RBM12: variants seen among roughly 807,000 people sequenced by gnomAD.
RBM12 encodes RNA-binding protein 12.
A neutral mutation model predicts 37.2 loss-of-function variants in RBM12; 24 were observed. That is an observed-to-expected ratio of 0.65 (90% CI 0.47 to 0.91). RBM12 has a LOEUF of 0.91. Among genes scored for constraint, RBM12 ranks in the 40% least tolerant of loss-of-function variants. The pLI, the probability that RBM12 is intolerant of heterozygous loss-of-function variation, is 0.00. For synonymous variants in RBM12, 420 were observed against 425.2 expected (o/e 0.99, Z 0.15); for missense variants, 1,061 against 1,183.2 (o/e 0.90, Z 1.52).
chr20:35,653,146 T>C lies in RBM12; in HGVS notation c.2177A>G (p.Asn726Ser). The C allele has an allele frequency of 1.2e-6, 2 of 1,613,604 alleles. No individual in the cohort carries two copies. Among genetic ancestry groups the C allele is most frequent in the Non-Finnish European group, 1.7e-6 (2 of 1,180,032 alleles). The change falls in exon 3 of 3, where the codon AAT (asparagine) becomes AGT (serine). Residue 726 changes from asparagine to serine, a missense_variant. Physicochemically the swap from Asn to Ser is conservative, Grantham distance 46 (BLOSUM62 1). Around this residue, in one of 3 missense-constraint regions of RBM12, gnomAD observed 517 missense variants for 534.0 expected, o/e 0.97. Transcript: ENST00000374114. ...NNGPPFNFPGNFGGSNAFGPP... is the reference protein window; with the variant it reads ...NNGPPFNFPGSFGGSNAFGPP... The stretch of plus-strand genomic sequence containing the variant: ...CCCAAAGGCATTTGATCCACCAAAA[T>C]TACCAGGAAAGTTAAATGGAGGCCC...
chr20:35,663,819 C>T (rs1383387493), intron 1 of RBM12, among the ~76,000 whole-genome samples: 1 of 152,176 alleles, frequency 6.6e-6, no homozygotes, highest in Non-Finnish European at 1.5e-5. Context: ...ACCTGTAGAT[C>T]CTCAAAGTCC....
Position 35,654,674 on chromosome 20 carries a change from A to C in RBM12, c.649T>G (p.Leu217Val). ...GGGGGCACAGGAGGCACAGGAGGCAATGTAGGTACTGGAGGAGGAACTGGA... is the reference window on the plus strand; with the variant it reads ...GGGGGCACAGGAGGCACAGGAGGCACTGTAGGTACTGGAGGAGGAACTGGA... ...PIPVPPPVPT[L>V]PPVPPVPPIP... The change falls in exon 3 of 3, where the codon TTG becomes GTG. Residue 217 changes from leucine to valine, a missense_variant. Leu to Val is a conservative substitution (Grantham distance 32). Around this residue, in one of 3 missense-constraint regions of RBM12, gnomAD observed 540 missense variants for 632.7 expected, o/e 0.85. Coordinates refer to ENST00000374114, the MANE Select transcript of RBM12 (RefSeq NM_006047.6). 2 of 1,613,364 alleles carry C rather than the reference A, an allele frequency of 1.2e-6. No homozygotes were observed. Among genetic ancestry groups the C allele is most frequent in the Non-Finnish European group, 1.7e-6 (2 of 1,179,340 alleles).
rs769504350 is a variant in RBM12 at position 35,653,077 on chromosome 20, TCAC to T, written c.2243_2245del (p.Gly748del). On this transcript the variant is annotated inframe_deletion, in exon 3 of 3. Transcript: ENST00000374114. ...AACTGAAGGCATACCAGGCCTAGCA[TCAC>T]CAAAGGCCCCGCCTCCTAATCCTGG... The T allele has an allele frequency of 3.7e-6, 6 of 1,613,918 alleles. No individual in the cohort carries two copies. In the Admixed American group the frequency reaches 1.0e-4, roughly 27 times the overall value.
rs2033442789 is a variant in RBM12 at position 35,650,678 on chromosome 20, CCTT to C, written c.*1843_*1845del. On this transcript the variant is annotated 3_prime_UTR_variant, in exon 3 of 3. Transcript: ENST00000374114. ...TAGTCACCTCTTGAGTCTAAACAAT[CCTT>C]CTCTTAAACAAAAATCCTGTACTGT... 1.3e-5 allele frequency: 2 copies of C among 152,528 alleles called. No individual in the cohort carries two copies. Among genetic ancestry groups the C allele is most frequent in the Non-Finnish European group, 2.9e-5 (2 of 68,002 alleles). The allele number at this position is 152,528 out of a possible 1,614,324, so 9.4% of individuals were successfully genotyped here.
rs1277679217 is a variant in RBM12 at position 35,652,839 on chromosome 20, G to C, written c.2484C>G (p.Gly828=). The C allele has an allele frequency of 2.5e-6, 4 of 1,608,420 alleles. No individual in the cohort carries two copies. Among genetic ancestry groups the C allele is most frequent in the African/African-American group, 2.7e-5 (2 of 74,646 alleles). Residue 828 remains glycine (G), a synonymous_variant, in exon 3 of 3, where the codon GGC becomes GGG. Coordinates refer to ENST00000374114, the MANE Select transcript of RBM12 (RefSeq NM_006047.6). ...HLGGPPAFGP[G]PGPGPGPGPI... is the part of the protein sequence containing the mutation. ...GGCCAGGGCCGGGGCCGGGGCCGGG[G>C]CCAGGCCCAAAAGCTGGTGGCCCAC...
At position 35,657,465 on chromosome 20, in the gene RBM12, TGAGA is replaced by T. The variant is rs553443083; in HGVS notation, c.-23+1461_-23+1464del. Among the ~76,000 whole-genome samples, 7 of 151,174 alleles carry T rather than the reference TGAGA, an allele frequency of 4.6e-5. No individual in the cohort carries two copies. In the East Asian group the frequency reaches 7.8e-4, roughly 17 times the overall value. ...GGCAATCCAGGTACTCAAAACAACT[TGAGA>T]GAGAGAGAGAGACTAGTTTGCACTG... On this transcript the variant is annotated intron_variant, in intron 2 of 2. Transcript: ENST00000374114.
chr20:35,664,434 G>C (rs144796285), intron 1 of RBM12: 2 of 152,460 alleles, frequency 1.3e-5, no homozygotes, highest in East Asian at 3.9e-4. Flanking sequence ...CGGGATGTAG[G>C]CGTGTTTTTA....
Position 35,653,303 on chromosome 20 carries a change from T to G in RBM12, c.2020A>C (p.Ser674Arg). The change falls in exon 3 of 3, where the codon AGC becomes CGC. Residue 674 changes from serine to arginine, a missense_variant. Around this residue, in one of 3 missense-constraint regions of RBM12, gnomAD observed 517 missense variants for 534.0 expected, o/e 0.97. Transcript: ENST00000374114. ...SAGLPGAGLP[S>R]TGLPGSAITS... ...ATTGCTGAACCAGGCAGTCCTGTGC[T>G]GGGCAGGCCTGCACCGGGAAGTCCT... is the stretch of plus-strand genomic sequence containing the variant. The G allele has an allele frequency of 6.2e-7, 1 of 1,613,620 alleles. No individual in the cohort carries two copies. The highest frequency in any genetic ancestry group is 1.3e-5 in the African/African-American group (1 of 75,006).
chr20:35,654,006 A>G lies in RBM12; in HGVS notation c.1317T>C (p.Phe439=). The G allele has an allele frequency of 6.2e-7, 1 of 1,614,216 alleles. No individual in the cohort carries two copies. Among genetic ancestry groups the G allele is most frequent in the South Asian group, 1.1e-5 (1 of 91,090 alleles). ...GFCVYLKGLP[F]EAENKHVIDF... The stretch of plus-strand genomic sequence containing the variant: ...CAATGACATGTTTGTTTTCTGCTTC[A>G]AATGGTAGCCCTTTCAAGTAAACAC... Residue 439 remains phenylalanine, a synonymous_variant, in exon 3 of 3, where the codon TTT becomes TTC. Coordinates refer to ENST00000374114, the MANE Select transcript of RBM12 (RefSeq NM_006047.6).
At chr20:35,658,840 AT>A in intron 2 of RBM12, 89 bp downstream of exon 2, 1 of 649,428 alleles carries the variant, frequency 1.5e-6, no homozygotes, top group Non-Finnish European at 2.8e-6. Flanking sequence ...CACACACACA[AT>A]ATAGTTGCTA....
intron 1 of RBM12, 127 bp from the exon 2 acceptor site, chr20:35,659,141 A>C (rs2034086233): frequency 6.1e-6 from 2 of 330,022 alleles, no homozygotes; most frequent in Non-Finnish European, 1.1e-5. Context: ...TGCATATCAA[A>C]AAAAAAAAAA....
rs567896893 is a variant in RBM12 at position 35,654,928 on chromosome 20, C to A, written c.395G>T (p.Ser132Ile). 5 of 1,614,128 alleles carry A rather than the reference C, an allele frequency of 3.1e-6. No homozygotes were observed. Among genetic ancestry groups the A allele is most frequent in the South Asian group, 2.2e-5 (2 of 91,080 alleles). The change falls in exon 3 of 3, where the codon AGT becomes ATT. Residue 132 changes from serine to isoleucine, a missense_variant. Transcript: ENST00000374114. ...TVSNFNNPSP[S>I]VVTATTSVHE... ...AACAGAAGTGGTGGCAGTAACTACACTGGGTGATGGATTATTAAAGTTGGA... is the reference window on the plus strand; with the variant it reads ...AACAGAAGTGGTGGCAGTAACTACAATGGGTGATGGATTATTAAAGTTGGA...
At position 35,654,080 on chromosome 20, in the gene RBM12, T is replaced by C. The variant is rs753894008; in HGVS notation, c.1243A>G (p.Ser415Gly). ...PQTLPRSKSP[S>G]GQKRSRSRSP... ...CTTGACCTTGATCTTTTCTGCCCAC[T>C]GGGCGATTTTGACCTGGGAAGTGTC... Residue 415 changes from serine to glycine, a missense_variant, in exon 3 of 3, where the codon AGT becomes GGT. Coordinates refer to ENST00000374114, the MANE Select transcript of RBM12 (RefSeq NM_006047.6). The C allele has an allele frequency of 1.2e-6, 2 of 1,614,236 alleles. No individual in the cohort carries two copies. The highest frequency in any genetic ancestry group is 4.5e-5 in the East Asian group (2 of 44,888).
At position 35,654,291 on chromosome 20, in the gene RBM12, C is replaced by T. The variant is rs761791531; in HGVS notation, c.1032G>A (p.Gly344=). ...LLKDHVGRNN[G]NGLVKFLSPQ... ...GGGAGAGAAACTTAACCAATCCATT[C>T]CCATTATTTCGACCTACATGATCTT... Residue 344 remains glycine, a synonymous_variant, in exon 3 of 3, where the codon GGG becomes GGA. Transcript: ENST00000374114. The T allele has an allele frequency of 2.5e-6, 4 of 1,614,142 alleles. No homozygotes were observed. The East Asian group carries it at 8.9e-5, about 36-fold the overall frequency.
In RBM12 at chr20:35,650,455, A is replaced by G. The variant is rs1232426002; in HGVS notation, c.*2069T>C. On this transcript the variant is annotated 3_prime_UTR_variant, in exon 3 of 3. Transcript: ENST00000374114. The stretch of plus-strand genomic sequence containing the variant: ...TGAAAATAGCTTTCCAATGGAGAAA[A>G]TATCTGTGGCTGAAATACAACTCTC... The G allele has an allele frequency of 6.6e-6, 1 of 152,658 alleles. No individual in the cohort carries two copies. 9.5% of individuals were successfully genotyped at this position (152,658 alleles called of 1,614,324 possible).
chr20:35,654,501 A>C lies in RBM12; in HGVS notation c.822T>G (p.Pro274=). 1 of 1,614,232 alleles carries C rather than the reference A, an allele frequency of 6.2e-7. No homozygotes were observed. Among genetic ancestry groups the C allele is most frequent in the Non-Finnish European group, 8.5e-7 (1 of 1,180,040 alleles). Residue 274 remains proline, a synonymous_variant, in exon 3 of 3, where the codon CCT becomes CCG. Coordinates refer to ENST00000374114, the MANE Select transcript of RBM12 (RefSeq NM_006047.6). ...CAGGATTCAACGGACCAAGAAACAT[A>C]GGATTCAGATTATTGTTCAAATTCA... ...APMNLNNNLN[P]MFLGPLNPVN...
Position 35,657,577 on chromosome 20 carries a change from T to C in RBM12, c.-23+1353A>G, listed in dbSNP as rs1271664178. 2.6e-5 allele frequency among the ~76,000 whole-genome samples: 4 copies of C among 152,298 alleles called. No individual in the cohort carries two copies. In the East Asian group the frequency reaches 7.7e-4, roughly 29 times the overall value. ...TAAAGTGACATACACAGTTAAGTCT[T>C]CAAGCCATTTTCTGTTAAGAGCAGG... On this transcript the variant is annotated intron_variant, in intron 2 of 2. Coordinates refer to ENST00000374114, the MANE Select transcript of RBM12 (RefSeq NM_006047.6).
In RBM12 at chr20:35,648,991, G is replaced by T. The variant is rs1472055850; in HGVS notation, c.*3533C>A. 1.3e-5 allele frequency: 2 copies of T among 152,620 alleles called. No homozygotes were observed. The highest frequency in any genetic ancestry group is 1.3e-4 in the Admixed American group (2 of 15,280). The allele number at this position is 152,620 out of a possible 1,614,324, so 9.5% of individuals were successfully genotyped here. ...GACAAGTTTATTGAACAGTATTCAA[G>T]ACTTCATCTTTATAAACAAAAACCT... On this transcript the variant is annotated 3_prime_UTR_variant, in exon 3 of 3. Coordinates refer to ENST00000374114, the MANE Select transcript of RBM12 (RefSeq NM_006047.6).
chr20:35,660,068 G>A (rs971609010), intron 1 of RBM12, among the ~76,000 whole-genome samples: 2 of 152,058 alleles, frequency 1.3e-5, no homozygotes, highest in Non-Finnish European at 2.9e-5. Context: ...ACTATTCATC[G>A]TCTAGTCAAC....
Sources: allele counts gnomAD v4.1 joint callset (sites outside exome capture counted in the v4.1 genomes callset), GRCh38; gene constraint gnomAD v4.1.1; regional missense constraint gnomAD v4.1.1; transcripts MANE v1.5; gene names NCBI Gene and HGNC (gene_info 2026-07-23, HGNC 2026-07-21).